Variants in CSMD1 observed in about 807,000 individuals in gnomAD.
CSMD1 encodes CUB and sushi domain-containing protein 1.
CSMD1 carries 213 observed loss-of-function variants against 417.5 expected under a neutral mutation model. That is an observed-to-expected ratio of 0.51 (90% CI 0.46 to 0.57). The LOEUF is 0.57. Among genes scored for constraint, CSMD1 ranks in the 20% least tolerant of loss-of-function variants. The probability of loss-of-function intolerance (pLI) is 0.00; values close to 1 mark genes in which losing one functional copy is unlikely to be tolerated. For synonymous variants in CSMD1, 2,862 were observed against 1,736.8 expected, an observed-to-expected ratio of 1.65 and a Z score of -16.11; for missense variants, 6,923 against 4,529.7, an observed-to-expected ratio of 1.53 and a Z score of -15.17.
intron 3 of CSMD1, among the ~76,000 whole-genome samples, chr8:4,362,755 T>C (rs1801845476): frequency 6.6e-6 from 1 of 152,202 alleles, no homozygotes; most frequent in Non-Finnish European, 1.5e-5. Context: ...TTTTACTTAC[T>C]GAGCAATTTA....
At chr8:4,150,209 G>T (rs1399313648) in intron 3 of CSMD1, among the ~76,000 whole-genome samples, 2 of 152,128 alleles carry the variant, frequency 1.3e-5, no homozygotes, top group African/African-American at 2.4e-5. Context: ...CACAGGATCG[G>T]CCCCAGGAAA....
chr8:3,245,492 G>A (rs1428266080), intron 26 of CSMD1, among the ~76,000 whole-genome samples: 1 of 152,158 alleles, frequency 6.6e-6, no homozygotes, highest in Non-Finnish European at 1.5e-5. Context: ...GTTTACAAAA[G>A]CTAAATAAGC....
intron 1 of CSMD1, among the ~76,000 whole-genome samples, chr8:4,925,791 C>G (rs1806826927): frequency 6.6e-6 from 1 of 152,126 alleles, no homozygotes; most frequent in African/African-American, 2.4e-5. Flanking sequence ...TCGTGATCCG[C>G]CCTCCTCGGC....
intron 10 of CSMD1, among the ~76,000 whole-genome samples, chr8:3,512,522 G>T (rs1797119166): frequency 6.9e-6 from 1 of 144,440 alleles, no homozygotes; most frequent in Admixed American, 7.2e-5. Context: ...TGGGCTGGTG[G>T]GCTGGTGGGC....
intron 2 of CSMD1, among the ~76,000 whole-genome samples, chr8:4,624,422 C>A (rs567543104): frequency 9.9e-4 from 150 of 152,266 alleles, no homozygotes; most frequent in Non-Finnish European, 1.1e-3. Flanking sequence ...CTTTCCCAAT[C>A]CTCTCTGGAA....
intron 18 of CSMD1, among the ~76,000 whole-genome samples, chr8:3,384,890 T>C (rs1448621509): frequency 8.2e-6 from 1 of 122,204 alleles, no homozygotes; most frequent in Non-Finnish European, 1.6e-5. Flanking sequence ...TGCAAATATA[T>C]AATATATATT....
intron 3 of CSMD1, among the ~76,000 whole-genome samples, chr8:4,322,573 G>T (rs1799331352): frequency 6.6e-6 from 1 of 152,156 alleles, no homozygotes; most frequent in African/African-American, 2.4e-5. Context: ...AGATTTTGAT[G>T]AAGGAAAATT....
At chr8:4,983,108 CA>C (rs1810988320) in intron 1 of CSMD1, among the ~76,000 whole-genome samples, 1 of 152,086 alleles carries the variant, frequency 6.6e-6, no homozygotes, top group Non-Finnish European at 1.5e-5. Context: ...CAAAGAAAAA[CA>C]GTCAAGAAAC....
chr8:3,995,788 C>T lies in CSMD1; in HGVS notation c.818+2115G>A, dbSNP rs115074748. 4.5e-3 allele frequency among the ~76,000 whole-genome samples: 685 copies of T among 152,294 alleles called. 2 individuals carry two copies. The highest frequency in any genetic ancestry group is 0.016 in the African/African-American group (648 of 41,552). ...ACAAGTATAAATACAACTCTATCCC[C>T]GGCTAATCATGGCTATTTGAAGAGA... On this transcript the variant is annotated intron_variant, in intron 5 of 69. Coordinates refer to ENST00000635120, the MANE Select transcript of CSMD1 (RefSeq NM_033225.6).
intron 7 of CSMD1, among the ~76,000 whole-genome samples, chr8:3,663,886 C>A (rs997823771): frequency 6.6e-6 from 1 of 152,140 alleles, no homozygotes; most frequent in Non-Finnish European, 1.5e-5. Flanking sequence ...GCAACCTCAA[C>A]CTTGGATAAA....
chr8:4,748,165 C>G (rs896234366), intron 1 of CSMD1, among the ~76,000 whole-genome samples: 1 of 152,162 alleles, frequency 6.6e-6, no homozygotes, highest in African/African-American at 2.4e-5. Context: ...CAACATGTTT[C>G]TACTCCATCA....
chr8:3,482,307 T>C (rs995872142), intron 11 of CSMD1, among the ~76,000 whole-genome samples: 1 of 152,046 alleles, frequency 6.6e-6, no homozygotes, highest in African/African-American at 2.4e-5. Flanking sequence ...GACCCAGGCA[T>C]ATTGATAGTA....
intron 5 of CSMD1, among the ~76,000 whole-genome samples, chr8:3,759,906 A>G (rs1434075534): frequency 1.2e-4 from 2 of 16,392 alleles, no homozygotes; most frequent in Non-Finnish European, 4.3e-4. Context: ...GACTGTCTCA[A>G]AAAAAAAAAA....
intron 2 of CSMD1, among the ~76,000 whole-genome samples, chr8:4,587,067 A>C (rs534076734): frequency 6.6e-6 from 1 of 152,248 alleles, no homozygotes; most frequent in East Asian, 1.9e-4. Flanking sequence ...AATCCATGAA[A>C]CATTGCTTTT....
At chr8:3,511,341 G>C (rs527717592) in intron 10 of CSMD1, among the ~76,000 whole-genome samples, 65 of 150,920 alleles carry the variant, frequency 4.3e-4, no homozygotes, top group Non-Finnish European at 9.0e-4. Context: ...TAACAAACCT[G>C]CACGTTCTGC....
At chr8:3,296,075 A>G (rs1055534121) in intron 25 of CSMD1, among the ~76,000 whole-genome samples, 4 of 151,978 alleles carry the variant, frequency 2.6e-5, no homozygotes, top group African/African-American at 9.7e-5. Context: ...AGAATATGGA[A>G]TGTTAGTAGG....
At chr8:3,803,683 T>G (rs921501047) in intron 5 of CSMD1, among the ~76,000 whole-genome samples, 1 of 152,162 alleles carries the variant, frequency 6.6e-6, no homozygotes, top group African/African-American at 2.4e-5. Flanking sequence ...ACGCAGAGAT[T>G]TGTTGGTCAG....
chr8:3,231,059 T>C (rs1477424), intron 26 of CSMD1, among the ~76,000 whole-genome samples: 123,620 of 151,908 alleles, frequency 0.81, 51,107 homozygotes, highest in Non-Finnish European at 0.88. Flanking sequence ...TGCCTGCGCC[T>C]AATCACAGAA....
intron 26 of CSMD1, among the ~76,000 whole-genome samples, chr8:3,230,521 T>C (rs940055670): frequency 4.6e-5 from 7 of 152,130 alleles, no homozygotes; most frequent in Admixed American, 3.3e-4. Flanking sequence ...TTAGAATAAA[T>C]ACATACATAC....
Sources: allele counts gnomAD v4.1 joint callset (sites outside exome capture counted in the v4.1 genomes callset), GRCh38; gene constraint gnomAD v4.1.1; transcripts MANE v1.5; gene names NCBI Gene and HGNC (gene_info 2026-07-23, HGNC 2026-07-21).